The following PCDH15 variants were observed in gnomAD, a reference collection of about 807,000 sequenced individuals.
PCDH15 encodes protocadherin-15.
Under a neutral mutation model 178.5 loss-of-function variants are expected in PCDH15, and 129 were observed. That is an observed-to-expected ratio of 0.72 (90% CI 0.63 to 0.84). PCDH15 has a LOEUF of 0.84. Ranked by LOEUF, PCDH15 falls within the 40% of genes least tolerant of loss-of-function variation. PCDH15 has a pLI of 0.00. For synonymous variants in PCDH15, 800 were observed against 732.0 expected, an observed-to-expected ratio of 1.09 and a Z score of -1.50; for missense variants, 2,230 against 2,099.9, an observed-to-expected ratio of 1.06 and a Z score of -1.21.
At chr10:53,870,812 G>A (rs2079786384) in intron 26 of PCDH15, among the ~76,000 whole-genome samples, 1 of 151,990 alleles carries the variant, frequency 6.6e-6, no homozygotes, top group African/African-American at 2.4e-5. Context: ...ATCAATAACA[G>A]GATACGATAT....
chr10:54,646,869 G>A (rs2094140370), intron 2 of PCDH15, among the ~76,000 whole-genome samples: 1 of 152,016 alleles, frequency 6.6e-6, no homozygotes, highest in South Asian at 2.1e-4. Flanking sequence ...TGGAGAAACT[G>A]GAACTCCTAT....
At chr10:53,987,054 G>A (rs1436659103) in intron 21 of PCDH15, among the ~76,000 whole-genome samples, 3 of 151,888 alleles carry the variant, frequency 2.0e-5, no homozygotes, top group Admixed American at 6.6e-5. Context: ...TTGCATATGA[G>A]GGGCCATCAT....
At chr10:55,210,128 A>G (rs1316388069) in intron 1 of PCDH15, among the ~76,000 whole-genome samples, 1 of 152,162 alleles carries the variant, frequency 6.6e-6, no homozygotes, top group Non-Finnish European at 1.5e-5. Context: ...AAAAAACACA[A>G]GGAAAATGAG....
At chr10:54,389,706 A>G (rs1265185242) in intron 3 of PCDH15, among the ~76,000 whole-genome samples, 1 of 151,376 alleles carries the variant, frequency 6.6e-6, no homozygotes, top group Non-Finnish European at 1.5e-5. Flanking sequence ...TGGGAGGCCG[A>G]GGCGGGTGGA....
intron 1 of PCDH15, among the ~76,000 whole-genome samples, chr10:54,712,346 A>C (rs2095435387): frequency 6.6e-6 from 1 of 151,918 alleles, no homozygotes. Flanking sequence ...TTATATTGCT[A>C]AATTTTAAAA....
intron 2 of PCDH15, chr10:54,605,878 C>G (rs1429491341): frequency 6.6e-6 from 1 of 152,040 alleles, no homozygotes; most frequent in East Asian, 1.9e-4. Context: ...AAAGCTAGTT[C>G]CTCAGGTAGC....
Position 54,790,447 on chromosome 10 carries a change from C to T in PCDH15, c.-29+10478G>A, listed in dbSNP as rs1951300453. ...TCAACTTCCCAATAGTTAAACTTGG[C>T]CTTGTGACTGAGTTCTAGACAAAGG... is the stretch of plus-strand genomic sequence containing the variant. On this transcript the variant is annotated intron_variant, in intron 1 of 37. Coordinates refer to ENST00000644397, the MANE Select transcript of PCDH15 (RefSeq NM_001384140.1). 2.0e-5 allele frequency among the ~76,000 whole-genome samples: 3 copies of T among 151,762 alleles called. 1 individual carries two copies. In the South Asian group the frequency reaches 6.2e-4, roughly 31 times the overall value.
At chr10:54,740,543 A>G (rs1028911172) in intron 1 of PCDH15, among the ~76,000 whole-genome samples, 1 of 151,950 alleles carries the variant, frequency 6.6e-6, no homozygotes, top group Non-Finnish European at 1.5e-5. Flanking sequence ...CAAAAAAAGG[A>G]AATCAGAATA....
At chr10:55,072,725 G>A (rs1231217633) in intron 2 of PCDH15, among the ~76,000 whole-genome samples, 1 of 151,802 alleles carries the variant, frequency 6.6e-6, no homozygotes, top group Non-Finnish European at 1.5e-5. Context: ...AGAAAAAGAG[G>A]GAATCCTCCC....
At chr10:54,053,766 A>G (rs1476809730) in intron 18 of PCDH15, among the ~76,000 whole-genome samples, 6 of 152,190 alleles carry the variant, frequency 3.9e-5, no homozygotes, top group African/African-American at 1.4e-4. Context: ...AATAATAACC[A>G]TATTGTGTAC....
At chr10:55,524,593 A>G (rs2132169015) in intron 2 of PCDH15, among the ~76,000 whole-genome samples, 2 of 151,652 alleles carry the variant, frequency 1.3e-5, no homozygotes, top group Admixed American at 1.3e-4. Context: ...CATATCTTGC[A>G]ATAGATTTCT....
At chr10:54,914,356 A>C (rs1182762959) in intron 2 of PCDH15, among the ~76,000 whole-genome samples, 2 of 152,144 alleles carry the variant, frequency 1.3e-5, no homozygotes, top group Non-Finnish European at 2.9e-5. Flanking sequence ...AGAATGTGTC[A>C]GTTTCCCCTT....
chr10:54,545,753 CATT>C (rs1000229525), intron 2 of PCDH15, among the ~76,000 whole-genome samples: 2 of 152,138 alleles, frequency 1.3e-5, no homozygotes, highest in Admixed American at 6.6e-5. Flanking sequence ...TTTATTAAAT[CATT>C]ATGATTTAAA....
intron 6 of PCDH15, among the ~76,000 whole-genome samples, chr10:54,337,637 C>G (rs1248340163): frequency 6.6e-6 from 1 of 152,122 alleles, no homozygotes; most frequent in Non-Finnish European, 1.5e-5. Flanking sequence ...CCTTTTGCCC[C>G]CTATGCCATC....
intron 13 of PCDH15, among the ~76,000 whole-genome samples, chr10:54,162,050 C>G (rs528788720): frequency 6.6e-6 from 1 of 151,988 alleles, no homozygotes; most frequent in African/African-American, 2.4e-5. Flanking sequence ...ATAAAGTTAT[C>G]GAAAATAACA....
At chr10:54,555,102 G>C (rs1041843840) in intron 2 of PCDH15, among the ~76,000 whole-genome samples, 1 of 152,162 alleles carries the variant, frequency 6.6e-6, no homozygotes, top group Non-Finnish European at 1.5e-5. Flanking sequence ...ATGCTGATCT[G>C]TGGGGTCATT....
In PCDH15 at chr10:55,161,395, T is replaced by C. The variant is rs1393788083; in HGVS notation, c.-80+5181A>G. Among the ~76,000 whole-genome samples, 10 of 152,062 alleles carry C rather than the reference T, an allele frequency of 6.6e-5. No individual in the cohort carries two copies. In the East Asian group the frequency reaches 1.7e-3, roughly 26 times the overall value. On this transcript the variant is annotated intron_variant, in intron 2 of 5. Transcript: ENST00000458638. ...ATAATATTGGCGGGGGTTGGAAAAT[T>C]CCAGCACACAGGCCAAATCCAGCCC...
chr10:54,645,145 G>T (rs2094099455), intron 2 of PCDH15, among the ~76,000 whole-genome samples: 1 of 152,152 alleles, frequency 6.6e-6, no homozygotes, highest in Admixed American at 6.6e-5. Context: ...TTCAGTAAAT[G>T]AAAGATGCAT....
chr10:54,239,417 A>G (rs2054994372), intron 8 of PCDH15, among the ~76,000 whole-genome samples: 1 of 148,736 alleles, frequency 6.7e-6, no homozygotes, highest in Admixed American at 6.7e-5. Flanking sequence ...GTGATTAAAT[A>G]TATATATATA....
Sources: allele counts gnomAD v4.1 joint callset (sites outside exome capture counted in the v4.1 genomes callset), GRCh38; gene constraint gnomAD v4.1.1; transcripts MANE v1.5; gene names NCBI Gene and HGNC (gene_info 2026-07-23, HGNC 2026-07-21).